Variants in NSD1 observed in about 807,000 individuals in gnomAD.
NSD1 encodes the protein histone-lysine N-methyltransferase, H3 lysine-36 specific.
Under a neutral mutation model 242.7 loss-of-function variants are expected in NSD1, and 26 were observed. The ratio of observed to expected loss-of-function variants is 0.11; its 90% confidence interval spans 0.08 to 0.15. The LOEUF is 0.15. NSD1 is among the 10% of genes least tolerant of loss of function. The pLI is 1.00. For synonymous variants in NSD1, 1,106 were observed against 1,178.1 expected, an observed-to-expected ratio of 0.94 and a Z score of 1.25; for missense variants, 2,495 against 3,272.8, an observed-to-expected ratio of 0.76 and a Z score of 5.80.
intron 2 of NSD1, among the ~76,000 whole-genome samples, chr5:177,142,387 GAC>G (rs1254119896): frequency 6.6e-6 from 1 of 152,212 alleles, no homozygotes; most frequent in Non-Finnish European, 1.5e-5. Flanking sequence ...TGTAAACAAT[GAC>G]AATACAGAAT....
intron 3 of NSD1, among the ~76,000 whole-genome samples, chr5:177,197,711 A>G (rs915574835): frequency 2.0e-5 from 3 of 152,260 alleles, no homozygotes; most frequent in African/African-American, 4.8e-5. Context: ...ATTTTACTGT[A>G]TCACAGGTAA....
intron 2 of NSD1, among the ~76,000 whole-genome samples, chr5:177,162,529 G>C (rs1393226389): frequency 6.6e-6 from 1 of 152,030 alleles, no homozygotes; most frequent in Non-Finnish European, 1.5e-5. Context: ...ATGAGTAGTT[G>C]GAACCACAGG....
chr5:177,158,241 C>A (rs143511730), intron 2 of NSD1, among the ~76,000 whole-genome samples: 1,008 of 38,964 alleles, frequency 0.026, 6 homozygotes, highest in Non-Finnish European at 0.035. Flanking sequence ...GTTCTAATTT[C>A]TTTCTTTCTT....
chr5:177,151,174 C>T (rs183515200), intron 2 of NSD1, among the ~76,000 whole-genome samples: 7 of 152,114 alleles, frequency 4.6e-5, no homozygotes, highest in Non-Finnish European at 7.4e-5. Flanking sequence ...AGCCAGGAGT[C>T]GAGACCAGCC....
At chr5:177,138,856 C>A (rs1251410958) in intron 2 of NSD1, among the ~76,000 whole-genome samples, 5 of 150,292 alleles carry the variant, frequency 3.3e-5, no homozygotes, top group African/African-American at 1.2e-4. Flanking sequence ...CCCAGCTGGT[C>A]TCGAACTCCT....
At chr5:177,206,222 A>G (rs1762861060) in intron 4 of NSD1, among the ~76,000 whole-genome samples, 1 of 151,842 alleles carries the variant, frequency 6.6e-6, no homozygotes, top group Non-Finnish European at 1.5e-5. Context: ...CTGGTCTCAA[A>G]CTCCTGTCCT....
rs770776719 is a variant in NSD1 at position 177,280,857 on chromosome 5, T to G, written c.5892+23T>G. 5.6e-6 allele frequency: 9 copies of G among 1,613,108 alleles called. No homozygotes were observed. The South Asian group carries it at 8.8e-5, about 16-fold the overall frequency. Reference sequence around the variant, plus strand: ...AAGGTTAGAAAAAGCTAAATTACCATATACTTTCTCCTCTTTGCAGTTGCT... The same window carrying G: ...AAGGTTAGAAAAAGCTAAATTACCAGATACTTTCTCCTCTTTGCAGTTGCT... On this transcript the variant is annotated intron_variant, in intron 18 of 22. Transcript: ENST00000439151.
intron 2 of NSD1, among the ~76,000 whole-genome samples, chr5:177,174,298 G>C (rs922062476): frequency 6.6e-6 from 1 of 152,084 alleles, no homozygotes; most frequent in Non-Finnish European, 1.5e-5. Context: ...AGGTTGCAGT[G>C]AGCCGAGATC....
chr5:177,206,089 T>C (rs972935532), intron 4 of NSD1, among the ~76,000 whole-genome samples: 6 of 152,180 alleles, frequency 3.9e-5, no homozygotes, highest in Non-Finnish European at 8.8e-5. Context: ...AACCTCTGCC[T>C]CCTGGGTTCA....
At chr5:177,175,487 G>A (rs971805896) in intron 2 of NSD1, among the ~76,000 whole-genome samples, 1 of 152,012 alleles carries the variant, frequency 6.6e-6, no homozygotes, top group Non-Finnish European at 1.5e-5. Flanking sequence ...AATTTAGCCA[G>A]GCTGGTGGCA....
At chr5:177,253,506 T>G (rs1441623765) in intron 12 of NSD1, among the ~76,000 whole-genome samples, 1 of 152,230 alleles carries the variant, frequency 6.6e-6, no homozygotes, top group Non-Finnish European at 1.5e-5. Flanking sequence ...TACTTGGTTG[T>G]TGATCCATTC....
At chr5:177,151,371 G>A (rs1019976624) in intron 2 of NSD1, among the ~76,000 whole-genome samples, 3 of 152,088 alleles carry the variant, frequency 2.0e-5, no homozygotes, top group Non-Finnish European at 4.4e-5. Flanking sequence ...ACAACACAGC[G>A]AGACTCAGTC....
intron 2 of NSD1, among the ~76,000 whole-genome samples, chr5:177,136,609 T>C (rs1581094645): frequency 6.6e-6 from 1 of 151,076 alleles, no homozygotes; most frequent in East Asian, 1.9e-4. Context: ...ATTAGCTCTT[T>C]TTTTTTTTTT....
rs75842191 is a variant in NSD1 at position 177,195,598 on chromosome 5, G to T, written c.1063+3579G>T. On this transcript the variant is annotated intron_variant, in intron 3 of 22. Transcript: ENST00000439151. ...TCTTCCCTCCTGTGCCTTCCAAGCA[G>T]CTGGGGCTACAGGCATTCGCCACTA... 5.0e-3 allele frequency among the ~76,000 whole-genome samples: 763 copies of T among 152,244 alleles called. 3 individuals carry two copies. The highest frequency in any genetic ancestry group is 0.017 in the African/African-American group (698 of 41,554).
At chr5:177,185,947 ATAGTTATATATT>A (rs1342656271) in intron 2 of NSD1, among the ~76,000 whole-genome samples, 9 of 91,482 alleles carry the variant, frequency 9.8e-5, no homozygotes, top group African/African-American at 4.3e-4. Context: ...TATATATAAT[ATAGTTATATATT>A]TATATATAAC....
chr5:177,279,606 GAA>G (rs1418795655), intron 17 of NSD1, among the ~76,000 whole-genome samples: 1 of 121,760 alleles, frequency 8.2e-6, no homozygotes, highest in African/African-American at 3.3e-5. Context: ...TATCAGCTTT[GAA>G]AATTTTTTTT....
At chr5:177,192,111 G>C (rs1008283758) in intron 3 of NSD1, 92 bp downstream of exon 3, 3 of 1,185,994 alleles carry the variant, frequency 2.5e-6, no homozygotes, top group African/African-American at 1.6e-5. Context: ...TTTTTTCCTT[G>C]GAACATTTTG....
intron 18 of NSD1, 83 bp downstream of exon 18, chr5:177,280,917 C>A: frequency 7.0e-7 from 1 of 1,433,634 alleles, no homozygotes. Context: ...GAAAATTCAT[C>A]ATAGAAGAAA....
chr5:177,238,183 C>T lies in NSD1; in HGVS notation c.3922-54C>T. 6.3e-7 allele frequency: 1 copy of T among 1,599,306 alleles called. No individual in the cohort carries two copies. The highest frequency in any genetic ancestry group is 1.7e-5 in the Admixed American group (1 of 59,876). On this transcript the variant is annotated intron_variant, in intron 6 of 22. Transcript: ENST00000439151. The surrounding 1 kb of genome is among the most constrained non-coding windows in gnomAD (Gnocchi z 4.6). Reference sequence around the variant, plus strand: ...TTAAAGTGTGTTATTCTTTTTGACACTTAAATTACAACAATTTTGGCCTGT... The same window carrying T: ...TTAAAGTGTGTTATTCTTTTTGACATTTAAATTACAACAATTTTGGCCTGT...
Sources: allele counts gnomAD v4.1 joint callset (sites outside exome capture counted in the v4.1 genomes callset), GRCh38; gene constraint gnomAD v4.1.1; non-coding constraint Gnocchi (gnomAD v3.1); transcripts MANE v1.5; gene names NCBI Gene and HGNC (gene_info 2026-07-23, HGNC 2026-07-21).